Variants in EBF1 observed in about 807,000 individuals in gnomAD.
EBF1 encodes the protein EBF transcription factor 1.
EBF1 carries 10 observed loss-of-function variants against 68.4 expected under a neutral mutation model. The ratio of observed to expected loss-of-function variants is 0.15; its 90% CI spans 0.09 to 0.25. The LOEUF (loss-of-function observed/expected upper bound fraction) is 0.25, where lower values mean the gene tolerates loss of function less well. EBF1 is among the 10% of genes least tolerant of loss of function. The pLI is 1.00. For synonymous variants in EBF1, 298 were observed against 299.8 expected, an observed-to-expected ratio of 0.99 and a Z score of 0.06; for missense variants, 509 against 794.4, an observed-to-expected ratio of 0.64 and a Z score of 4.32.
chr5:158,905,913 G>T (rs941512988), intron 6 of EBF1, among the ~76,000 whole-genome samples: 3 of 152,112 alleles, frequency 2.0e-5, no homozygotes, highest in African/African-American at 7.2e-5. Flanking sequence ...GGAGGAGGGA[G>T]CAAAATAAAG....
chr5:159,001,093 A>G (rs1292227810), intron 6 of EBF1, among the ~76,000 whole-genome samples: 1 of 152,210 alleles, frequency 6.6e-6, no homozygotes, highest in African/African-American at 2.4e-5. Flanking sequence ...AGAAGCAAAT[A>G]TGAGAATACT....
In EBF1 at chr5:158,755,660, G is replaced by C. The variant is rs150950739; in HGVS notation, c.1036+21753C>G. Among the ~76,000 whole-genome samples, 12 of 152,226 alleles carry C rather than the reference G, an allele frequency of 7.9e-5. No individual in the cohort carries two copies. In the East Asian group the frequency reaches 2.3e-3, roughly 29 times the overall value. On this transcript the variant is annotated intron_variant, in intron 10 of 15. Transcript: ENST00000313708. Reference sequence around the variant, plus strand: ...ATTGGGAAGGCATTTTGAGATATTTGATGGACTTGGAACTCCCACAGAATT... The same window carrying C: ...ATTGGGAAGGCATTTTGAGATATTTCATGGACTTGGAACTCCCACAGAATT...
chr5:158,720,238 G>A (rs1158562353), intron 11 of EBF1, among the ~76,000 whole-genome samples: 1 of 152,138 alleles, frequency 6.6e-6, no homozygotes, highest in African/African-American at 2.4e-5. Flanking sequence ...TAGACTTTAA[G>A]TCCTGGATCT....
intron 8 of EBF1, among the ~76,000 whole-genome samples, chr5:158,821,223 G>A (rs1425298002): frequency 2.0e-5 from 3 of 152,078 alleles, no homozygotes; most frequent in Admixed American, 6.6e-5. Context: ...AAGCTAAAGC[G>A]ATTTGTCCAA....
chr5:158,891,406 A>G (rs1016881703), intron 6 of EBF1, among the ~76,000 whole-genome samples: 2 of 152,086 alleles, frequency 1.3e-5, no homozygotes, highest in African/African-American at 4.8e-5. Context: ...ATTGATATAT[A>G]TGTGTATTTT....
At chr5:158,863,240 A>G (rs192157254) in intron 6 of EBF1, among the ~76,000 whole-genome samples, 29 of 152,164 alleles carry the variant, frequency 1.9e-4, no homozygotes, top group Admixed American at 1.9e-3. Context: ...TGGTCTAAAA[A>G]ATCTCCTATA....
intron 6 of EBF1, among the ~76,000 whole-genome samples, chr5:158,951,715 C>A (rs1470085527): frequency 2.0e-5 from 3 of 152,124 alleles, no homozygotes; most frequent in African/African-American, 7.2e-5. Flanking sequence ...TGATTGGGAC[C>A]AAGAGGGTGA....
In EBF1 at chr5:158,706,354, A is replaced by G. The variant is rs1757881665; in HGVS notation, c.1744+1625T>C. 2.0e-5 allele frequency among the ~76,000 whole-genome samples: 3 copies of G among 152,120 alleles called. No individual in the cohort carries two copies. The South Asian group carries it at 6.2e-4, about 32-fold the overall frequency. ...TTTTGAAGAGTCCTCCTGGAGGCAG[A>G]AAGACAACGTGATCGGGTGCTCAGG... On this transcript the variant is annotated intron_variant, in intron 15 of 15. Coordinates refer to ENST00000313708, the MANE Select transcript of EBF1 (RefSeq NM_024007.5).
At position 159,062,050 on chromosome 5, in the gene EBF1, ATGTGTAATC is replaced by A. The variant is rs1212330844; in HGVS notation, c.554+11337_554+11345del. 5.3e-5 allele frequency among the ~76,000 whole-genome samples: 8 copies of A among 152,314 alleles called. No homozygotes were observed. In the South Asian group the frequency reaches 8.3e-4, roughly 16 times the overall value. ...TAAGCTTTTGGGAAAAAACTAAAAT[ATGTGTAATC>A]TGTCTGTCTGCGCTATCTGCCTTTA... On this transcript the variant is annotated intron_variant, in intron 6 of 15. Transcript: ENST00000313708.
At chr5:159,090,578 C>A (rs1781448764) in intron 4 of EBF1, among the ~76,000 whole-genome samples, 2 of 151,996 alleles carry the variant, frequency 1.3e-5, no homozygotes, top group Admixed American at 1.3e-4. Flanking sequence ...CATCACAGCC[C>A]TGAATAAAAA....
intron 6 of EBF1, among the ~76,000 whole-genome samples, chr5:159,037,782 T>G (rs896779280): frequency 6.6e-6 from 1 of 151,806 alleles, no homozygotes; most frequent in Non-Finnish European, 1.5e-5. Context: ...AATGTGCACA[T>G]GTACTCTAAA....
intron 6 of EBF1, among the ~76,000 whole-genome samples, chr5:158,868,938 AAGG>A (rs1443883427): frequency 6.6e-6 from 1 of 152,184 alleles, no homozygotes; most frequent in Non-Finnish European, 1.5e-5. Context: ...ACAGCAATCG[AAGG>A]AGGTTTCATG....
intron 7 of EBF1, among the ~76,000 whole-genome samples, chr5:158,823,704 A>T (rs1246759024): frequency 6.6e-6 from 1 of 152,226 alleles, no homozygotes; most frequent in East Asian, 1.9e-4. Flanking sequence ...AATCTTTTGA[A>T]TCTTTAAAAT....
At chr5:158,717,738 T>C (rs2127504603) in intron 11 of EBF1, among the ~76,000 whole-genome samples, 1 of 152,216 alleles carries the variant, frequency 6.6e-6, no homozygotes, top group Non-Finnish European at 1.5e-5. Context: ...TGTTCTCCAA[T>C]CTACATTCTG....
chr5:158,944,956 A>G (rs1814326223), intron 6 of EBF1, among the ~76,000 whole-genome samples: 1 of 152,196 alleles, frequency 6.6e-6, no homozygotes, highest in Non-Finnish European at 1.5e-5. Context: ...AGTTCCATGT[A>G]GATTCTGGAT....
At chr5:159,058,647 C>T (rs957260484) in intron 6 of EBF1, among the ~76,000 whole-genome samples, 1 of 152,322 alleles carries the variant, frequency 6.6e-6, no homozygotes, top group South Asian at 2.1e-4. Context: ...GGAACTGCCT[C>T]ATTTGGTTTT....
chr5:158,912,674 G>GAT (rs1806269839), intron 6 of EBF1, among the ~76,000 whole-genome samples: 1 of 152,174 alleles, frequency 6.6e-6, no homozygotes, highest in Non-Finnish European at 1.5e-5. Context: ...CCATGAAGAA[G>GAT]ATAGGGCAAA....
intron 8 of EBF1, among the ~76,000 whole-genome samples, chr5:158,797,965 T>C (rs762941968): frequency 1.8e-4 from 28 of 152,172 alleles, no homozygotes; most frequent in Non-Finnish European, 3.7e-4. Context: ...TCCACAACTA[T>C]AGGGCTTTTT....
intron 7 of EBF1, among the ~76,000 whole-genome samples, chr5:158,826,262 T>C (rs1275606519): frequency 1.4e-5 from 2 of 141,648 alleles, no homozygotes; most frequent in South Asian, 2.8e-4. Context: ...AATTTCACGA[T>C]ATCTGTTATA....
Sources: gnomAD v4.1 joint callset for allele counts (sites outside exome capture counted in the v4.1 genomes callset) on GRCh38, gnomAD v4.1.1 for gene constraint, MANE v1.5 for transcripts, NCBI Gene and HGNC (gene_info 2026-07-23, HGNC 2026-07-21) for gene names.